NSL1: variants seen among roughly 807,000 people sequenced by gnomAD.
NSL1 encodes the protein NSL1 component of MIS12 kinetochore complex, also known as kinetochore-associated protein NSL1 homolog.
A neutral mutation model predicts 25.4 loss-of-function variants in NSL1; 11 were observed. That is an observed-to-expected ratio of 0.43 (90% CI 0.27 to 0.72). The LOEUF is 0.72. Ranked by LOEUF, NSL1 falls within the 30% of genes least tolerant of loss-of-function variation. The probability of loss-of-function intolerance (pLI) is 0.19; values close to 1 mark genes in which losing one functional copy is unlikely to be tolerated. For missense variants in NSL1, 330 were observed against 342.7 expected (o/e 0.96, Z 0.29); for synonymous variants, 118 against 120.6 (o/e 0.98, Z 0.14).
chr1:212,734,752 T>A lies in NSL1; in HGVS notation c.*3656A>T, dbSNP rs767561103. ...ATTATTTGCCTAAAACATTCAAGAC[T>A]GCTCAAATGCCACCTCTTCTACAAA... On this transcript the variant is annotated 3_prime_UTR_variant, in exon 6 of 6. Transcript: ENST00000366977. 1.3e-5 allele frequency among the ~76,000 whole-genome samples: 2 copies of A among 152,246 alleles called. No homozygotes were observed. Among genetic ancestry groups the A allele is most frequent in the Non-Finnish European group, 2.9e-5 (2 of 68,038 alleles).
intron 4 of NSL1, among the ~76,000 whole-genome samples, chr1:212,771,377 T>A (rs1004797262): frequency 7.2e-5 from 11 of 152,092 alleles, no homozygotes; most frequent in African/African-American, 2.7e-4. Flanking sequence ...AAAAGCCACA[T>A]ATGACAAACC....
rs1053083338 is a variant in NSL1 at position 212,734,174 on chromosome 1, T to C, written c.*4234A>G. 1.3e-5 allele frequency among the ~76,000 whole-genome samples: 2 copies of C among 152,200 alleles called. No individual in the cohort carries two copies. The highest frequency in any genetic ancestry group is 2.9e-5 in the Non-Finnish European group (2 of 68,038). ...TGGGAGTACAGTCATCATTCTGGGATTTTGCTTTGTATGTATCTGTTTTCT... is the reference window on the plus strand; with the variant it reads ...TGGGAGTACAGTCATCATTCTGGGACTTTGCTTTGTATGTATCTGTTTTCT... On this transcript the variant is annotated 3_prime_UTR_variant, in exon 6 of 6. Transcript: ENST00000366977.
intron 3 of NSL1, among the ~76,000 whole-genome samples, chr1:212,783,147 C>T (rs533117694): frequency 5.9e-5 from 9 of 152,064 alleles, no homozygotes; most frequent in South Asian, 2.1e-4. Context: ...GGAGGAAAGA[C>T]GCAGGGCAGG....
Position 212,732,291 on chromosome 1 carries a change from ATC to A in NSL1, c.*6115_*6116del. ...GTCACTTTTATTTTTTTCTGAAAAT[ATC>A]TCTTTTGGAGTCCTACATAGTCCTT... On this transcript the variant is annotated 3_prime_UTR_variant, in exon 6 of 6. Coordinates refer to ENST00000366977, the MANE Select transcript of NSL1 (RefSeq NM_015471.4). The A allele has an allele frequency of 1.0e-6, 1 of 966,852 alleles. No homozygotes were observed. The highest frequency in any genetic ancestry group is 1.2e-6 in the Non-Finnish European group (1 of 814,600). The allele number at this position is 966,852 out of a possible 1,614,324, so 59.9% of individuals were successfully genotyped here.
intron 4 of NSL1, chr1:212,764,111 TC>T (rs1659690432): frequency 1.3e-5 from 4 of 312,482 alleles, no homozygotes; most frequent in Non-Finnish European, 2.5e-5. Flanking sequence ...AAGCTGGAAA[TC>T]AACTATAAAA....
chr1:212,783,397 T>C (rs927275623), intron 3 of NSL1, among the ~76,000 whole-genome samples: 3 of 152,128 alleles, frequency 2.0e-5, no homozygotes, highest in Admixed American at 6.5e-5. Flanking sequence ...GGGGAAGTGA[T>C]GGAATGCGGT....
intron 4 of NSL1, among the ~76,000 whole-genome samples, chr1:212,741,834 C>A (rs548703275): frequency 6.6e-6 from 1 of 152,116 alleles, no homozygotes. Flanking sequence ...GAGAGAAACA[C>A]AGGAAGTTCT....
chr1:212,748,164 TATG>T (rs1240182559), intron 4 of NSL1, among the ~76,000 whole-genome samples: 2 of 152,246 alleles, frequency 1.3e-5, no homozygotes, highest in Admixed American at 1.3e-4. Flanking sequence ...TATTTAATGA[TATG>T]ATAATATCTG....
At chr1:212,756,345 C>G (rs1017684234) in intron 4 of NSL1, among the ~76,000 whole-genome samples, 1 of 152,124 alleles carries the variant, frequency 6.6e-6, no homozygotes, top group Non-Finnish European at 1.5e-5. Context: ...GTCTCAAACT[C>G]CTGTGCTCAA....
intron 4 of NSL1, chr1:212,766,138 A>G: frequency 2.0e-6 from 1 of 505,074 alleles, no homozygotes. Context: ...TCCATCTCAA[A>G]AAAAAAAAAA....
chr1:212,754,266 T>A (rs956207308), intron 4 of NSL1, among the ~76,000 whole-genome samples: 1 of 152,016 alleles, frequency 6.6e-6, no homozygotes, highest in Non-Finnish European at 1.5e-5. Flanking sequence ...AAATAAAACA[T>A]TTCAATGAAC....
chr1:212,768,434 C>G (rs113349694), intron 4 of NSL1, among the ~76,000 whole-genome samples: 349 of 151,908 alleles, frequency 2.3e-3, no homozygotes, highest in Non-Finnish European at 3.8e-3. Context: ...AAGAGACATG[C>G]ACACACATGT....
intron 5 of NSL1, 65 bp from the exon 6 acceptor site, chr1:212,738,751 G>T: frequency 7.3e-7 from 1 of 1,370,306 alleles, no homozygotes; most frequent in Non-Finnish European, 1.0e-6. Flanking sequence ...AGACAAAGAT[G>T]GATGCAGTAC....
chr1:212,747,077 G>A (rs1223704296), intron 4 of NSL1, among the ~76,000 whole-genome samples: 3 of 151,790 alleles, frequency 2.0e-5, no homozygotes, highest in Admixed American at 1.3e-4. Flanking sequence ...CCCAGGAAGC[G>A]GAGGTTGCAG....
In NSL1 at chr1:212,734,019, C is replaced by T. The variant is rs1658134247; in HGVS notation, c.*4389G>A. Among the ~76,000 whole-genome samples, 1 of 152,112 alleles carries T rather than the reference C, an allele frequency of 6.6e-6. No individual in the cohort carries two copies. The highest frequency in any genetic ancestry group is 1.5e-5 in the Non-Finnish European group (1 of 68,012). ...TATTTTTGGGAAAATTTCATTTTAT[C>T]TCCCAGCCCTCCCACTGAATTTTTA... On this transcript the variant is annotated 3_prime_UTR_variant, in exon 6 of 6. Transcript: ENST00000366977.
intron 4 of NSL1, among the ~76,000 whole-genome samples, chr1:212,777,262 A>G (rs1660416161): frequency 6.6e-6 from 1 of 152,050 alleles, no homozygotes; most frequent in African/African-American, 2.4e-5. Flanking sequence ...CTGAAGTCCC[A>G]GCTACTCAGG....
At chr1:212,745,775 C>T (rs984519629) in intron 4 of NSL1, among the ~76,000 whole-genome samples, 1 of 151,844 alleles carries the variant, frequency 6.6e-6, no homozygotes, top group Non-Finnish European at 1.5e-5. Context: ...CCAACCTGGA[C>T]AACATGGCGA....
At chr1:212,783,414 G>T (rs372157624) in intron 3 of NSL1, among the ~76,000 whole-genome samples, 4 of 152,184 alleles carry the variant, frequency 2.6e-5, no homozygotes, top group South Asian at 4.1e-4. Context: ...CGGTATTTGA[G>T]AACTGCTATA....
chr1:212,756,522 A>C (rs923814335), intron 4 of NSL1, among the ~76,000 whole-genome samples: 2 of 152,324 alleles, frequency 1.3e-5, no homozygotes, highest in Middle Eastern at 3.4e-3. Flanking sequence ...GTCAGAAAAT[A>C]ATCTTAAGAG....
Sources: gnomAD v4.1 joint callset for allele counts (sites outside exome capture counted in the v4.1 genomes callset) on GRCh38, gnomAD v4.1.1 for gene constraint, MANE v1.5 for transcripts, NCBI Gene and HGNC (gene_info 2026-07-23, HGNC 2026-07-21) for gene names.